The following HIRA variants were observed in gnomAD, a reference collection of about 807,000 sequenced individuals.
HIRA encodes the protein histone cell cycle regulator.
A neutral mutation model predicts 126.6 loss-of-function variants in HIRA; 13 were observed. The observed-to-expected ratio is 0.10, with a 90% CI of 0.07 to 0.16. HIRA has a LOEUF of 0.16. Ranked by LOEUF, HIRA falls within the 10% of genes least tolerant of loss-of-function variation. HIRA has a pLI of 1.00. For missense variants in HIRA, 834 were observed against 1,314.4 expected, an observed-to-expected ratio of 0.63 and a Z score of 5.65; for synonymous variants, 511 against 520.0, an observed-to-expected ratio of 0.98 and a Z score of 0.24.
intron 24 of HIRA, among the ~76,000 whole-genome samples, chr22:19,332,081 A>T (rs1212120547): frequency 2.0e-5 from 3 of 152,186 alleles, no homozygotes; most frequent in African/African-American, 4.8e-5. Flanking sequence ...TTAGTTGCCT[A>T]AACATCCTCC....
intron 9 of HIRA, among the ~76,000 whole-genome samples, chr22:19,390,413 T>C (rs1045414296): frequency 6.6e-6 from 1 of 151,328 alleles, no homozygotes; most frequent in Non-Finnish European, 1.5e-5. Context: ...GACAACATGG[T>C]GAAACCCCAT....
intron 2 of HIRA, among the ~76,000 whole-genome samples, chr22:19,408,985 A>G (rs541549910): frequency 2.4e-4 from 37 of 152,300 alleles, no homozygotes; most frequent in African/African-American, 8.4e-4. Context: ...GGGAAAGTCA[A>G]TGTCATAAGA....
In HIRA at chr22:19,394,334, G is replaced by A. The variant is rs750800181; in HGVS notation, c.822+8C>T. 7.4e-6 allele frequency: 12 copies of A among 1,613,940 alleles called. No individual in the cohort carries two copies. In the South Asian group the frequency reaches 1.3e-4, roughly 18 times the overall value. Reference sequence around the variant, plus strand: ...AGCCCATCTCCCTTTAGTTCCCTGGGCACTCACCACGACAGTCACAGCTTT... The same window carrying A: ...AGCCCATCTCCCTTTAGTTCCCTGGACACTCACCACGACAGTCACAGCTTT... On this transcript the variant is annotated splice_region_variant and intron_variant, in intron 8 of 24. Coordinates refer to ENST00000263208, the MANE Select transcript of HIRA (RefSeq NM_003325.4).
intron 15 of HIRA, chr22:19,365,842 T>C (rs1601820756): frequency 6.6e-6 from 1 of 152,078 alleles, no homozygotes; most frequent in South Asian, 2.1e-4. Context: ...TAGTGCGCTA[T>C]GCCAATTGGG....
Position 19,407,222 on chromosome 22 carries a change from C to T in HIRA, c.264G>A (p.Gly88=). ...WSNSGMYLAS[G]GDDKLIMVWK... is the part of the protein sequence containing the mutation. ...ACACCATAATCAGTTTGTCATCTCC[C>T]CCAGAAGCTAAATACATCCCACTGT... The change falls in exon 4 of 25, where the codon GGG becomes GGA. Residue 88 remains glycine, a synonymous_variant. Coordinates refer to ENST00000263208, the MANE Select transcript of HIRA (RefSeq NM_003325.4). 1 of 1,614,012 alleles carries T rather than the reference C, an allele frequency of 6.2e-7. No homozygotes were observed. The highest frequency in any genetic ancestry group is 1.1e-5 in the South Asian group (1 of 91,084).
At chr22:19,384,407 T>A (rs1437101381) in intron 12 of HIRA, among the ~76,000 whole-genome samples, 3 of 151,514 alleles carry the variant, frequency 2.0e-5, no homozygotes, top group Non-Finnish European at 4.4e-5. Flanking sequence ...ACACACTAAG[T>A]ATGTATAACT....
At chr22:19,421,606 T>C (rs1049063446) in intron 1 of HIRA, among the ~76,000 whole-genome samples, 6 of 152,252 alleles carry the variant, frequency 3.9e-5, no homozygotes, top group Non-Finnish European at 8.8e-5. Context: ...ACAGTCTTAC[T>C]GAGCTCAGTA....
At chr22:19,421,490 A>C (rs1421492313) in intron 1 of HIRA, among the ~76,000 whole-genome samples, 1 of 152,200 alleles carries the variant, frequency 6.6e-6, no homozygotes, top group Non-Finnish European at 1.5e-5. Flanking sequence ...TTCTAAAATC[A>C]CAAAATCACC....
Position 19,358,521 on chromosome 22 carries a change from C to T in HIRA, c.2234+815G>A, listed in dbSNP as rs564156714. ...GTGGAAGCATCTGATACACAGGTGC[C>T]TGGGACTGGGAATTTAAATGGCTCA... On this transcript the variant is annotated intron_variant, in intron 18 of 24. Coordinates refer to ENST00000263208, the MANE Select transcript of HIRA (RefSeq NM_003325.4). Among the ~76,000 whole-genome samples, 8 of 152,248 alleles carry T rather than the reference C, an allele frequency of 5.3e-5. No individual in the cohort carries two copies. The East Asian group carries it at 1.5e-3, about 29-fold the overall frequency.
intron 5 of HIRA, among the ~76,000 whole-genome samples, chr22:19,400,253 T>C (rs1211470536): frequency 4.6e-5 from 7 of 152,258 alleles, no homozygotes; most frequent in Admixed American, 3.3e-4. Context: ...TTCAATTCTA[T>C]TTTTTCCTTG....
At chr22:19,353,315 G>A (rs937959071) in intron 23 of HIRA, 41 bp downstream of exon 23, 21 of 1,609,356 alleles carry the variant, frequency 1.3e-5, no homozygotes, top group East Asian at 2.2e-5. Context: ...AGGATGGAGG[G>A]GCAGAAGGAG....
At chr22:19,411,623 G>A (rs1388553443) in intron 1 of HIRA, among the ~76,000 whole-genome samples, 9 of 152,252 alleles carry the variant, frequency 5.9e-5, no homozygotes, top group Non-Finnish European at 1.2e-4. Context: ...AGTACCCAGT[G>A]TACAGTAGCG....
At chr22:19,384,934 G>C (rs1389917014) in intron 12 of HIRA, among the ~76,000 whole-genome samples, 2 of 152,050 alleles carry the variant, frequency 1.3e-5, no homozygotes, top group African/African-American at 2.4e-5. Context: ...GATTACAGGG[G>C]TGAGCCACTG....
At chr22:19,430,306 C>G (rs2089521551) in intron 1 of HIRA, 1 of 152,150 alleles carries the variant, frequency 6.6e-6, no homozygotes, top group Admixed American at 6.6e-5. Context: ...TGAACCTAGT[C>G]CCTGAAAAAT....
Position 19,417,179 on chromosome 22 carries a change from G to A in HIRA, c.38-6401C>T, listed in dbSNP as rs112967238. Among the ~76,000 whole-genome samples the A allele has an allele frequency of 2.8e-3, 426 of 151,708 alleles. 1 individual carries two copies. Among genetic ancestry groups the A allele is most frequent in the African/African-American group, 9.7e-3 (399 of 41,322 alleles). ...CGTGCCATTGCACTCCAGCCTGGGC[G>A]ACAGTGTGAGACTCTGTCTCAAAAA... On this transcript the variant is annotated intron_variant, in intron 1 of 24. Transcript: ENST00000263208.
intron 8 of HIRA, among the ~76,000 whole-genome samples, chr22:19,393,925 C>T (rs770686393): frequency 1.5e-4 from 23 of 152,332 alleles, no homozygotes; most frequent in Non-Finnish European, 2.6e-4. Flanking sequence ...CAGCAGTTCA[C>T]GCCTCTGAGC....
chr22:19,347,901 T>C (rs1321605526), intron 24 of HIRA, among the ~76,000 whole-genome samples: 1 of 152,226 alleles, frequency 6.6e-6, no homozygotes, highest in Admixed American at 6.5e-5. Context: ...ATTGTGCCAC[T>C]GTACTCCAGC....
intron 15 of HIRA, among the ~76,000 whole-genome samples, chr22:19,372,461 TATATA>T (rs2088975196): frequency 1.3e-5 from 2 of 152,226 alleles, no homozygotes; most frequent in South Asian, 4.1e-4. Flanking sequence ...AAAAGTTATT[TATATA>T]ATTTAAATTC....
In HIRA at chr22:19,393,222, T is replaced by C. The variant is rs564526830; in HGVS notation, c.823-1008A>G. Reference sequence around the variant, plus strand: ...TAGAGCACTAACCATGAAGCACTGATTTCCAAAGACTTTAGCAACAAAGCT... The same window carrying C: ...TAGAGCACTAACCATGAAGCACTGACTTCCAAAGACTTTAGCAACAAAGCT... On this transcript the variant is annotated intron_variant, in intron 8 of 24. Transcript: ENST00000263208. Among the ~76,000 whole-genome samples, 232 of 152,302 alleles carry C rather than the reference T, an allele frequency of 1.5e-3. 2 individuals are homozygous for C. The highest frequency in any genetic ancestry group is 5.3e-3 in the African/African-American group (222 of 41,560).
Sources: allele counts gnomAD v4.1 joint callset (sites outside exome capture counted in the v4.1 genomes callset), GRCh38; gene constraint gnomAD v4.1.1; transcripts MANE v1.5; gene names NCBI Gene and HGNC (gene_info 2026-07-23, HGNC 2026-07-21).